The following STXBP6 variants were observed in gnomAD, a reference collection of about 807,000 sequenced individuals.
The protein encoded by STXBP6 is syntaxin-binding protein 6.
In STXBP6, 21 loss-of-function variants were observed where a neutral mutation model predicts 26.9. The observed-to-expected ratio is 0.78, with a 90% CI of 0.55 to 1.12. The LOEUF (loss-of-function observed/expected upper bound fraction) is 1.12. Among genes scored for constraint, STXBP6 ranks in the 50% most tolerant of loss-of-function variants. The probability of loss-of-function intolerance (pLI) is 0.00; values close to 1 mark genes in which losing one functional copy is unlikely to be tolerated. For missense variants in STXBP6, 232 were observed against 257.9 expected, an observed-to-expected ratio of 0.90 and a Z score of 0.69; for synonymous variants, 97 against 92.6, an observed-to-expected ratio of 1.05 and a Z score of -0.27.
At chr14:24,891,958 A>C (rs1045962498) in intron 2 of STXBP6, among the ~76,000 whole-genome samples, 1 of 152,220 alleles carries the variant, frequency 6.6e-6, no homozygotes, top group African/African-American at 2.4e-5. Flanking sequence ...CAAGAGCCAC[A>C]TACCCTGGAA....
chr14:24,913,494 A>ATAC (rs748320292), intron 2 of STXBP6, among the ~76,000 whole-genome samples: 13 of 152,150 alleles, frequency 8.5e-5, no homozygotes, highest in Non-Finnish European at 1.3e-4. Context: ...TAAATTAACA[A>ATAC]TACAACAACA....
intron 2 of STXBP6, among the ~76,000 whole-genome samples, chr14:24,929,089 G>A (rs950539618): frequency 6.6e-6 from 1 of 152,092 alleles, no homozygotes; most frequent in African/African-American, 2.4e-5. Context: ...AATACAAAGT[G>A]AAAAAAGGCC....
intron 5 of STXBP6, among the ~76,000 whole-genome samples, chr14:24,814,813 C>T (rs967448320): frequency 2.0e-5 from 3 of 152,080 alleles, no homozygotes; most frequent in Admixed American, 6.5e-5. Context: ...GTGGCTGAAG[C>T]GAGACCCCTC....
intron 4 of STXBP6, among the ~76,000 whole-genome samples, chr14:24,851,850 G>A (rs1349278038): frequency 6.6e-6 from 1 of 152,104 alleles, no homozygotes; most frequent in Non-Finnish European, 1.5e-5. Flanking sequence ...CCTTGACAAA[G>A]TCATTCAAAA....
chr14:24,813,528 A>G (rs1381323), intron 5 of STXBP6, among the ~76,000 whole-genome samples: 56,166 of 152,082 alleles, frequency 0.37, 10,983 homozygotes, highest in African/African-American at 0.52. Context: ...CAGAGGCTGA[A>G]CTGTAACTCT....
chr14:24,896,365 C>T (rs373455071), intron 2 of STXBP6, among the ~76,000 whole-genome samples: 10 of 152,196 alleles, frequency 6.6e-5, no homozygotes, highest in African/African-American at 2.2e-4. Context: ...TGGGGTGTAG[C>T]TCCTTATTTC....
At chr14:24,959,665 A>C (rs1373778604) in intron 2 of STXBP6, among the ~76,000 whole-genome samples, 1 of 152,214 alleles carries the variant, frequency 6.6e-6, no homozygotes, top group African/African-American at 2.4e-5. Flanking sequence ...CAGTGCTACA[A>C]GGATCTATAC....
chr14:24,984,746 G>C (rs1231882720), intron 1 of STXBP6, among the ~76,000 whole-genome samples: 1 of 152,084 alleles, frequency 6.6e-6, no homozygotes, highest in Admixed American at 6.5e-5. Flanking sequence ...ATGTGACTTT[G>C]GTATTCAAAA....
At chr14:24,815,900 G>C (rs2067961239) in intron 5 of STXBP6, 1 of 152,184 alleles carries the variant, frequency 6.6e-6, no homozygotes, top group Non-Finnish European at 1.5e-5. Flanking sequence ...GAGTGGAGGT[G>C]GGGGAGTCAG....
intron 2 of STXBP6, among the ~76,000 whole-genome samples, chr14:24,966,179 C>T (rs1218077090): frequency 6.6e-6 from 1 of 152,078 alleles, no homozygotes; most frequent in African/African-American, 2.4e-5. Flanking sequence ...AGAGTTTTCC[C>T]TTGTTTCCAT....
At chr14:25,033,508 A>C (rs1379179442) in intron 1 of STXBP6, among the ~76,000 whole-genome samples, 4 of 152,206 alleles carry the variant, frequency 2.6e-5, no homozygotes, top group Non-Finnish European at 4.4e-5. Flanking sequence ...ATACTTTCTC[A>C]TACCCATTAT....
chr14:24,926,932 G>T (rs979845016), intron 2 of STXBP6, among the ~76,000 whole-genome samples: 1 of 142,536 alleles, frequency 7.0e-6, no homozygotes, highest in East Asian at 2.1e-4. Flanking sequence ...AGCTCCTGCT[G>T]CTATTTAAAA....
chr14:24,893,628 G>T lies in STXBP6; in HGVS notation c.155-36471C>A, dbSNP rs142121973. On this transcript the variant is annotated intron_variant, in intron 2 of 5. Transcript: ENST00000323944. ...GACTTCCAATTATGACTAAAGTTTT[G>T]TGAATAATCCCTAACACAAATGCCT... 5.6e-4 allele frequency among the ~76,000 whole-genome samples: 86 copies of T among 152,318 alleles called. 1 individual carries two copies. Among genetic ancestry groups the T allele is most frequent in the Non-Finnish European group, 1.2e-3 (79 of 68,028 alleles).
chr14:24,954,120 C>T (rs1413213226), intron 2 of STXBP6, among the ~76,000 whole-genome samples: 1 of 152,130 alleles, frequency 6.6e-6, no homozygotes, highest in African/African-American at 2.4e-5. Flanking sequence ...CATAGGGTGT[C>T]ACAGCTCCTT....
At chr14:24,975,728 G>C (rs1216328341) in intron 1 of STXBP6, among the ~76,000 whole-genome samples, 1 of 152,012 alleles carries the variant, frequency 6.6e-6, no homozygotes, top group East Asian at 1.9e-4. Context: ...GTTATATTTA[G>C]TTTTCTAAAA....
At chr14:25,035,446 G>A (rs1214553782) in intron 1 of STXBP6, among the ~76,000 whole-genome samples, 2 of 152,170 alleles carry the variant, frequency 1.3e-5, no homozygotes, top group Non-Finnish European at 2.9e-5. Flanking sequence ...TCTTTTGGCA[G>A]GAAGTCAATA....
chr14:24,891,002 A>C (rs891145118), intron 2 of STXBP6, among the ~76,000 whole-genome samples: 3 of 152,122 alleles, frequency 2.0e-5, no homozygotes, highest in Non-Finnish European at 4.4e-5. Context: ...CTCTATTTTG[A>C]CCTTTATCCT....
chr14:24,873,206 C>T (rs558960514), intron 2 of STXBP6, among the ~76,000 whole-genome samples: 45 of 152,094 alleles, frequency 3.0e-4, no homozygotes, highest in African/African-American at 9.4e-4. Context: ...ATAAGCTTGC[C>T]GTAGGATCTT....
chr14:24,997,911 CTA>C (rs2074648169), intron 1 of STXBP6, among the ~76,000 whole-genome samples: 1 of 152,062 alleles, frequency 6.6e-6, no homozygotes, highest in African/African-American at 2.4e-5. Context: ...TTTTTAAAAA[CTA>C]TATTTCTTTA....
Sources: allele counts gnomAD v4.1 joint callset (sites outside exome capture counted in the v4.1 genomes callset), GRCh38; gene constraint gnomAD v4.1.1; transcripts MANE v1.5; gene names NCBI Gene and HGNC (gene_info 2026-07-23, HGNC 2026-07-21).